Variants in RCAN2 observed in about 807,000 individuals in gnomAD.
RCAN2 encodes calcipressin-2.
A neutral mutation model predicts 23.6 loss-of-function variants in RCAN2; 9 were observed. The ratio of observed to expected loss-of-function variants is 0.38; its 90% confidence interval spans 0.23 to 0.67. The LOEUF is 0.67. RCAN2 is among the 30% of genes least tolerant of loss of function. The probability of loss-of-function intolerance (pLI) is 0.51; values close to 1 mark genes in which losing one functional copy is unlikely to be tolerated. For missense variants in RCAN2, 273 were observed against 302.3 expected (o/e 0.90, Z 0.72); for synonymous variants, 109 against 115.7 (o/e 0.94, Z 0.37).
intron 2 of RCAN2, chr6:46,438,502 G>A (rs1767435791): frequency 1.3e-5 from 2 of 152,360 alleles, no homozygotes; most frequent in South Asian, 4.1e-4. Context: ...CCAAGGACAA[G>A]AGTACTGCCA....
intron 2 of RCAN2, among the ~76,000 whole-genome samples, chr6:46,445,502 T>G (rs976933523): frequency 1.9e-4 from 29 of 152,126 alleles, no homozygotes; most frequent in African/African-American, 7.0e-4. Context: ...TTCAAATGCA[T>G]AGAAACTAAT....
At chr6:46,373,482 C>T (rs1400673907) in intron 2 of RCAN2, among the ~76,000 whole-genome samples, 1 of 152,098 alleles carries the variant, frequency 6.6e-6, no homozygotes, top group African/African-American at 2.4e-5. Context: ...GTCTCAAACT[C>T]CTGGGCACAA....
chr6:46,409,045 A>G (rs954499030), intron 2 of RCAN2, among the ~76,000 whole-genome samples: 2 of 152,242 alleles, frequency 1.3e-5, no homozygotes, highest in Non-Finnish European at 1.5e-5. Context: ...GTGTTTTTAA[A>G]TTATACTAAT....
At chr6:46,433,879 T>G (rs1447170903) in intron 2 of RCAN2, among the ~76,000 whole-genome samples, 1 of 152,244 alleles carries the variant, frequency 6.6e-6, no homozygotes, top group Non-Finnish European at 1.5e-5. Flanking sequence ...CATTTCCATG[T>G]TGTTAGTACT....
chr6:46,228,676 C>G (rs182025244), intron 4 of RCAN2, among the ~76,000 whole-genome samples: 1 of 152,090 alleles, frequency 6.6e-6, no homozygotes, highest in Non-Finnish European at 1.5e-5. Flanking sequence ...TGTCTCCGCA[C>G]GTGAGATGGG....
chr6:46,457,111 G>A (rs1768060579), intron 1 of RCAN2, 133 bp from the exon 2 acceptor site: 1 of 635,436 alleles, frequency 1.6e-6, no homozygotes. Context: ...GATATTGGAA[G>A]GGAGAAGATC....
chr6:46,482,087 A>C (rs1768878072), intron 1 of RCAN2, among the ~76,000 whole-genome samples: 1 of 152,080 alleles, frequency 6.6e-6, no homozygotes, highest in Admixed American at 6.6e-5. Flanking sequence ...CTTGGGGAAA[A>C]AACTGTTATC....
At chr6:46,479,778 T>C (rs1472735411) in intron 1 of RCAN2, among the ~76,000 whole-genome samples, 1 of 152,082 alleles carries the variant, frequency 6.6e-6, no homozygotes, top group Non-Finnish European at 1.5e-5. Context: ...CGATGGGGTT[T>C]CACCATGTTG....
At chr6:46,433,940 G>A (rs1767290132) in intron 2 of RCAN2, among the ~76,000 whole-genome samples, 2 of 152,192 alleles carry the variant, frequency 1.3e-5, no homozygotes, top group South Asian at 4.1e-4. Context: ...AATTGGTGGA[G>A]CGGGTAAGTG....
intron 2 of RCAN2, among the ~76,000 whole-genome samples, chr6:46,282,490 A>T: frequency 6.7e-6 from 1 of 150,354 alleles, no homozygotes; most frequent in African/African-American, 2.5e-5. Context: ...ACAAACAAAC[A>T]AACAAACAAA....
intron 4 of RCAN2, among the ~76,000 whole-genome samples, chr6:46,245,779 G>A (rs1404882346): frequency 3.9e-5 from 6 of 152,206 alleles, no homozygotes; most frequent in Admixed American, 6.5e-5. Flanking sequence ...TTGGGGTGGG[G>A]TCAGGCATTC....
At chr6:46,382,237 C>T (rs1269145333) in intron 2 of RCAN2, among the ~76,000 whole-genome samples, 3 of 152,146 alleles carry the variant, frequency 2.0e-5, no homozygotes, top group Middle Eastern at 6.3e-3. Flanking sequence ...ACTAATAGTT[C>T]TTTTCTCATA....
At chr6:46,296,091 G>GTT (rs1219434004) in intron 2 of RCAN2, among the ~76,000 whole-genome samples, 2 of 150,566 alleles carry the variant, frequency 1.3e-5, no homozygotes, top group Admixed American at 1.3e-4. Context: ...GTGTGTGTGT[G>GTT]TGTGTGTGTG....
intron 2 of RCAN2, among the ~76,000 whole-genome samples, chr6:46,381,133 T>C (rs1765607100): frequency 6.6e-6 from 1 of 152,232 alleles, no homozygotes; most frequent in Non-Finnish European, 1.5e-5. Context: ...AGTATATTTA[T>C]AAGTGCATTT....
At chr6:46,424,594 C>T (rs541738546) in intron 2 of RCAN2, among the ~76,000 whole-genome samples, 20 of 152,110 alleles carry the variant, frequency 1.3e-4, no homozygotes, top group African/African-American at 4.6e-4. Context: ...CCCTCTATAC[C>T]GAACTCCTTA....
At chr6:46,444,709 C>A (rs531337472) in intron 2 of RCAN2, among the ~76,000 whole-genome samples, 16 of 152,280 alleles carry the variant, frequency 1.1e-4, no homozygotes, top group Non-Finnish European at 1.3e-4. Context: ...CATGCTCCAG[C>A]ATATTCATGG....
intron 1 of RCAN2, among the ~76,000 whole-genome samples, chr6:46,466,651 C>G (rs1253197072): frequency 6.6e-6 from 1 of 152,162 alleles, no homozygotes; most frequent in Non-Finnish European, 1.5e-5. Context: ...TTCCATAACT[C>G]CACAGGACCT....
intron 1 of RCAN2, among the ~76,000 whole-genome samples, chr6:46,467,000 T>C (rs1004180331): frequency 6.6e-6 from 1 of 152,328 alleles, no homozygotes; most frequent in Non-Finnish European, 1.5e-5. Flanking sequence ...CTGGGGTCAC[T>C]GCCTTCATAC....
intron 2 of RCAN2, among the ~76,000 whole-genome samples, chr6:46,278,522 G>C (rs1213247142): frequency 6.6e-6 from 1 of 152,106 alleles, no homozygotes; most frequent in Non-Finnish European, 1.5e-5. Flanking sequence ...TATAACTGCT[G>C]TACAATTATC....
Sources: allele counts gnomAD v4.1 joint callset (sites outside exome capture counted in the v4.1 genomes callset), GRCh38; gene constraint gnomAD v4.1.1; transcripts MANE v1.5; gene names NCBI Gene and HGNC (gene_info 2026-07-23, HGNC 2026-07-21).